The following SLC9A7 variants were observed in gnomAD, a reference collection of about 807,000 sequenced individuals.
The protein encoded by SLC9A7 is solute carrier family 9 member A7.
Under a neutral mutation model 52.6 loss-of-function variants are expected in SLC9A7, and 19 were observed. That is an observed-to-expected ratio of 0.36 (90% CI 0.25 to 0.53). The LOEUF is 0.53. Among genes scored for constraint, SLC9A7 ranks in the 20% least tolerant of loss-of-function variants. The pLI, the probability that SLC9A7 is intolerant of heterozygous loss-of-function variation, is 0.91. For missense variants in SLC9A7, 455 were observed against 597.9 expected, an observed-to-expected ratio of 0.76 and a Z score of 2.49; for synonymous variants, 226 against 252.1, an observed-to-expected ratio of 0.90 and a Z score of 0.98.
At chrX:46,664,370 C>T (rs1016532607) in intron 5 of SLC9A7, among the ~76,000 whole-genome samples, 3 of 111,509 alleles carry the variant, frequency 2.7e-5, no homozygotes, top group East Asian at 2.8e-4. Context: ...TAGTGGAAGC[C>T]GGGACATCAG....
chrX:46,695,976 C>CTTAT (rs61703323), intron 1 of SLC9A7, among the ~76,000 whole-genome samples: 37,666 of 104,327 alleles, frequency 0.36, 6,643 homozygotes, highest in African/African-American at 0.6. Flanking sequence ...TATATTTTTA[C>CTTAT]TTATTTATTT....
intron 1 of SLC9A7, among the ~76,000 whole-genome samples, chrX:46,738,512 G>A (rs1352034112): frequency 8.9e-6 from 1 of 112,261 alleles, no homozygotes; most frequent in African/African-American, 3.2e-5. Context: ...GCTCATGCCT[G>A]TAATCCCAGT....
At chrX:46,641,038 T>C (rs893702381) in intron 12 of SLC9A7, among the ~76,000 whole-genome samples, 2 of 112,866 alleles carry the variant, frequency 1.8e-5, no homozygotes, top group African/African-American at 6.4e-5. Context: ...TGGGCATCTA[T>C]CTTGCAGAGG....
intron 1 of SLC9A7, among the ~76,000 whole-genome samples, chrX:46,755,248 C>T (rs1922554364): frequency 9.1e-6 from 1 of 110,124 alleles, no homozygotes; most frequent in Non-Finnish European, 1.9e-5. Flanking sequence ...TATTTGTGCA[C>T]ATCACTGCTA....
chrX:46,629,132 CA>C (rs1340019909), intron 14 of SLC9A7, among the ~76,000 whole-genome samples: 1 of 111,828 alleles, frequency 8.9e-6, no homozygotes, highest in East Asian at 2.8e-4. Context: ...GGAAGGAGGT[CA>C]GGGGGAAGCT....
chrX:46,722,472 T>C (rs1481061656), intron 1 of SLC9A7, among the ~76,000 whole-genome samples: 4 of 112,370 alleles, frequency 3.6e-5, no homozygotes, highest in African/African-American at 1.3e-4. Flanking sequence ...AAGTAAGCAC[T>C]GTTACTCCAA....
intron 3 of SLC9A7, 151 bp downstream of exon 3, chrX:46,679,527 G>T (rs1944176711): frequency 4.8e-6 from 2 of 413,180 alleles, no homozygotes; most frequent in African/African-American, 2.6e-5. Context: ...AAACAGAAAT[G>T]AATCATTGAT....
At chrX:46,648,856 C>T (rs1943536355) in intron 10 of SLC9A7, 59 bp from the exon 11 acceptor site, 2 of 864,090 alleles carry the variant, frequency 2.3e-6, no homozygotes, top group South Asian at 4.2e-5. Flanking sequence ...TTCCACACAA[C>T]CTCCGGCTGA....
At chrX:46,634,683 G>A (rs975432047) in intron 13 of SLC9A7, among the ~76,000 whole-genome samples, 12 of 111,931 alleles carry the variant, frequency 1.1e-4, no homozygotes, top group Non-Finnish European at 2.1e-4. Flanking sequence ...AAATGAACAT[G>A]TGTGTGTAGA....
In SLC9A7 at chrX:46,606,803, A is replaced by C. The variant is rs1023450457; in HGVS notation, c.*149T>G. On this transcript the variant is annotated 3_prime_UTR_variant, in exon 17 of 17. Transcript: ENST00000616978. The stretch of plus-strand genomic sequence containing the variant: ...CCTCACCATCTGCATTGTGAGTTAA[A>C]TTTTAAGTGTTACAATAGCTTCAGA... 3 of 1,117,360 alleles carry C rather than the reference A, an allele frequency of 2.7e-6. No homozygotes were observed. The highest frequency in any genetic ancestry group is 6.6e-5 in the Admixed American group (2 of 30,405). 92.1% of individuals were successfully genotyped at this position (1,117,360 alleles called of 1,213,427 possible). A position where few individuals can be genotyped will look rare whatever the true frequency, so the allele number is the denominator to read the frequency against.
Position 46,677,102 on chromosome X carries a change from C to G in SLC9A7, c.603+2576G>C, listed in dbSNP as rs1326877375. 2.7e-5 allele frequency among the ~76,000 whole-genome samples: 3 copies of G among 111,945 alleles called. No homozygotes were observed. In the East Asian group the frequency reaches 8.4e-4, roughly 31 times the overall value. ...GAACTTATGTTCCATTCCTCTCCCC[C>G]TTCCCCTCCTGCCCTGAAGGTTATG... is the stretch of plus-strand genomic sequence containing the variant. On this transcript the variant is annotated intron_variant, in intron 3 of 16. Coordinates refer to ENST00000616978, the MANE Select transcript of SLC9A7 (RefSeq NM_001257291.2).
chrX:46,683,693 G>C (rs1944249201), intron 1 of SLC9A7, among the ~76,000 whole-genome samples: 1 of 111,845 alleles, frequency 8.9e-6, no homozygotes, highest in African/African-American at 3.3e-5. Flanking sequence ...GTGAGTGAAA[G>C]ATTAAAAAAC....
At chrX:46,653,108 T>C (rs1477840299) in intron 8 of SLC9A7, among the ~76,000 whole-genome samples, 1 of 112,341 alleles carries the variant, frequency 8.9e-6, no homozygotes, top group Non-Finnish European at 1.9e-5. Flanking sequence ...AAATCTACTT[T>C]TTCAGGCTGG....
At chrX:46,642,886 A>C (rs1210068705) in intron 12 of SLC9A7, among the ~76,000 whole-genome samples, 1 of 111,837 alleles carries the variant, frequency 8.9e-6, no homozygotes, top group African/African-American at 3.3e-5. Flanking sequence ...AAGGAACATG[A>C]AATACTGGAC....
At position 46,653,597 on chromosome X, in the gene SLC9A7, GA is replaced by G; in HGVS notation, c.1147+11del. The G allele has an allele frequency of 8.4e-7, 1 of 1,187,852 alleles. No homozygotes were observed. The highest frequency in any genetic ancestry group is 1.1e-6 in the Non-Finnish European group (1 of 874,460). ...TGAGGGGAAGGGTGGTCCAAGAGTAGAAAAAACCTACCTGTAAATCCGCAGG... is the reference window on the plus strand; with the variant it reads ...TGAGGGGAAGGGTGGTCCAAGAGTAGAAAAACCTACCTGTAAATCCGCAGG... On this transcript the variant is annotated intron_variant, in intron 8 of 16. Transcript: ENST00000616978.
At chrX:46,660,698 C>A (rs1324451203) in intron 7 of SLC9A7, among the ~76,000 whole-genome samples, 21 of 109,320 alleles carry the variant, frequency 1.9e-4, no homozygotes, top group African/African-American at 4.8e-4. Flanking sequence ...TTAGAATGGC[C>A]ATCATTAAAA....
At chrX:46,656,500 G>C (rs1943695647) in intron 7 of SLC9A7, among the ~76,000 whole-genome samples, 1 of 112,055 alleles carries the variant, frequency 8.9e-6, no homozygotes, top group African/African-American at 3.2e-5. Flanking sequence ...TGTATAACTA[G>C]AATAACCAAT....
In SLC9A7 at chrX:46,607,050, T is replaced by G. The variant is rs1183529606; in HGVS notation, c.2083A>C (p.Ser695Arg). ...TCTCGCTCCAGCACTTCCTCCGAGC[T>G]GCTCTTCGTTCTCCGGCTGCCCTCC... ...SLEGSRRTKSSSEEVLERDLG... is the reference protein window; with the variant it reads ...SLEGSRRTKSRSEEVLERDLG... The change falls in exon 17 of 17, where the codon AGC becomes CGC. Residue 695 changes from serine (S) to arginine (R), a missense_variant. Transcript: ENST00000616978. The G allele has an allele frequency of 2.5e-6, 3 of 1,211,833 alleles. No homozygotes were observed. The highest frequency in any genetic ancestry group is 3.4e-6 in the Non-Finnish European group (3 of 895,521).
At chrX:46,739,388 GA>G (rs1921161222) in intron 1 of SLC9A7, among the ~76,000 whole-genome samples, 1 of 110,978 alleles carries the variant, frequency 9.0e-6, no homozygotes, top group Non-Finnish European at 1.9e-5. Flanking sequence ...TTGGCCCTTG[GA>G]TCCATTTTAT....
Sources: allele counts gnomAD v4.1 joint callset (sites outside exome capture counted in the v4.1 genomes callset), GRCh38; gene constraint gnomAD v4.1.1; transcripts MANE v1.5; gene names NCBI Gene and HGNC (gene_info 2026-07-23, HGNC 2026-07-21).